TJP1: variants seen among roughly 807,000 people sequenced by gnomAD.
The protein encoded by TJP1 is tight junction protein ZO-1.
TJP1 carries 43 observed loss-of-function variants against 194.2 expected under a neutral mutation model. The observed-to-expected ratio is 0.22, with a 90% CI of 0.17 to 0.29. TJP1 has a LOEUF of 0.29. Among genes scored for constraint, TJP1 ranks in the 10% least tolerant of loss-of-function variants. The probability of loss-of-function intolerance (pLI) is 1.00; values close to 1 mark genes in which losing one functional copy is unlikely to be tolerated. For synonymous variants in TJP1, 801 were observed against 779.0 expected, an observed-to-expected ratio of 1.03 and a Z score of -0.47; for missense variants, 1,971 against 2,185.7, an observed-to-expected ratio of 0.90 and a Z score of 1.96.
At chr15:29,863,950 C>T (rs2052196167) in intron 2 of TJP1, among the ~76,000 whole-genome samples, 1 of 152,024 alleles carries the variant, frequency 6.6e-6, no homozygotes, top group Non-Finnish European at 1.5e-5. Context: ...GTAAAGTAGA[C>T]CTTCCAATTC....
chr15:29,856,669 T>C (rs1596117381), intron 2 of TJP1, among the ~76,000 whole-genome samples: 1 of 152,214 alleles, frequency 6.6e-6, no homozygotes, highest in East Asian at 1.9e-4. Context: ...TCAGAAATAT[T>C]TCTTAAAAAA....
At chr15:29,839,288 G>A (rs532379104) in intron 2 of TJP1, among the ~76,000 whole-genome samples, 21 of 152,088 alleles carry the variant, frequency 1.4e-4, no homozygotes, top group African/African-American at 4.8e-4. Flanking sequence ...GTGAGCCACC[G>A]CACCCGGCCT....
chr15:29,728,017 T>A lies in TJP1; in HGVS notation c.2020A>T (p.Ser674Cys). The A allele has an allele frequency of 6.2e-7, 1 of 1,613,960 alleles. No individual in the cohort carries two copies. The highest frequency in any genetic ancestry group is 8.5e-7 in the Non-Finnish European group (1 of 1,179,848). The stretch of plus-strand genomic sequence containing the variant: ...TCAGTTCCAGCGTCTCGTGGTTCAC[T>A]CTCTATTCATTATGTCAGGACAAAA... ...EEPDIYQIAK[S>C]EPRDAGTDQR... Residue 674 changes from serine (S) to cysteine (C), a missense_variant and splice_region_variant, in exon 16 of 28, where the codon AGT (serine) becomes TGT (cysteine). By Grantham distance (112) the Ser-to-Cys change is moderately radical. Around this residue, in one of 5 missense-constraint regions of TJP1, gnomAD observed 402 missense variants for 484.2 expected, o/e 0.83. Transcript: ENST00000614355.
Position 29,762,326 on chromosome 15 carries a change from T to A in TJP1, c.693+9A>T. On this transcript the variant is annotated intron_variant, in intron 6 of 27. Coordinates refer to ENST00000614355, the MANE Select transcript of TJP1 (RefSeq NM_001330239.4). The stretch of plus-strand genomic sequence containing the variant: ...TTCAGTTCATTAAAAAGTAAGAATA[T>A]GATTATACCTTCAATACAACATCAC... 1.2e-6 allele frequency: 2 copies of A among 1,602,496 alleles called. No homozygotes were observed.
chr15:29,955,918 T>C (rs2055924207), intron 2 of TJP1, among the ~76,000 whole-genome samples: 1 of 152,100 alleles, frequency 6.6e-6, no homozygotes, highest in Admixed American at 6.5e-5. Flanking sequence ...TATATTAACA[T>C]GTGGATTTGT....
rs572726062 is a variant in TJP1, at chr15:29,783,215, A to G, written c.85-9858T>C. On this transcript the variant is annotated intron_variant, in intron 2 of 27. Transcript: ENST00000614355. ...TTTGAACCCGGGAGGCAGAGGTTGCAGTGAGCCAAGATTGTGCCACTGCAC... is the reference window on the plus strand; with the variant it reads ...TTTGAACCCGGGAGGCAGAGGTTGCGGTGAGCCAAGATTGTGCCACTGCAC... Among the ~76,000 whole-genome samples the G allele has an allele frequency of 3.3e-4, 51 of 152,338 alleles. No individual in the cohort carries two copies. In the South Asian group the frequency reaches 0.01, roughly 30 times the overall value.
At chr15:29,785,739 T>C (rs965040248) in intron 2 of TJP1, among the ~76,000 whole-genome samples, 1 of 152,198 alleles carries the variant, frequency 6.6e-6, no homozygotes, top group Non-Finnish European at 1.5e-5. Context: ...TTCAATGGAA[T>C]TTCAATGAAC....
Position 29,726,653 on chromosome 15 carries a change from TAACAC to T in TJP1, c.2311+123_2311+127del, listed in dbSNP as rs2043255424. 1.8e-5 allele frequency: 21 copies of T among 1,150,766 alleles called. No homozygotes were observed. In the East Asian group the frequency reaches 5.1e-4, roughly 28 times the overall value. 71.3% of individuals were successfully genotyped at this position (1,150,766 alleles called of 1,614,324 possible). On this transcript the variant is annotated intron_variant, in intron 17 of 27. Coordinates refer to ENST00000614355, the MANE Select transcript of TJP1 (RefSeq NM_001330239.4). ...TTTCTTTTAACCAAACAGCAGGTGT[TAACAC>T]AACAGGAAGCTTTCCAAGAAAGTAT...
At chr15:29,818,808 T>G (rs1224658508) in intron 1 of TJP1, among the ~76,000 whole-genome samples, 1 of 149,656 alleles carries the variant, frequency 6.7e-6, no homozygotes, top group Non-Finnish European at 1.5e-5. Context: ...CCCGGCCACG[T>G]TTTTTCCTTC....
At chr15:29,924,997 C>T (rs1193558435) in intron 2 of TJP1, among the ~76,000 whole-genome samples, 1 of 152,204 alleles carries the variant, frequency 6.6e-6, no homozygotes, top group Non-Finnish European at 1.5e-5. Context: ...AGGCTAATCC[C>T]ATGGGAATGG....
intron 9 of TJP1, among the ~76,000 whole-genome samples, chr15:29,742,438 T>C (rs1850647038): frequency 6.6e-6 from 1 of 152,230 alleles, no homozygotes; most frequent in South Asian, 2.1e-4. Context: ...ATATTTTCTA[T>C]CTAGAAAGTA....
chr15:29,743,962 C>T (rs1489547676), intron 8 of TJP1, among the ~76,000 whole-genome samples: 4 of 152,106 alleles, frequency 2.6e-5, no homozygotes, highest in African/African-American at 7.2e-5. Flanking sequence ...AGGCGGATCA[C>T]GAGGTCAAGA....
intron 2 of TJP1, among the ~76,000 whole-genome samples, chr15:29,945,799 A>ACG: frequency 1.0e-5 from 1 of 96,726 alleles, no homozygotes; most frequent in African/African-American, 3.2e-5. Context: ...ACACACACAC[A>ACG]CGCACACACA....
chr15:29,848,826 A>C (rs785449), intron 2 of TJP1, among the ~76,000 whole-genome samples: 1 of 151,848 alleles, frequency 6.6e-6, no homozygotes, highest in African/African-American at 2.4e-5. Flanking sequence ...ACCACTGAAC[A>C]CCAGCCTGGC....
At chr15:29,728,868 C>T (rs1355887618) in intron 15 of TJP1, 1 of 151,966 alleles carries the variant, frequency 6.6e-6, no homozygotes, top group African/African-American at 2.4e-5. Flanking sequence ...CTAGTGAACA[C>T]TGGAGAATTA....
chr15:29,765,900 A>C lies in TJP1; in HGVS notation c.589+366T>G, dbSNP rs28384367. 4.5e-4 allele frequency among the ~76,000 whole-genome samples: 68 copies of C among 152,162 alleles called. 1 individual carries two copies. In the East Asian group the frequency reaches 0.01, roughly 23 times the overall value. On this transcript the variant is annotated intron_variant, in intron 5 of 27. Transcript: ENST00000614355. Reference sequence around the variant, plus strand: ...GAGCCAGACCTTGTAACAACAACAAAAACAACAACAACAACAACACTCCCA... The same window carrying C: ...GAGCCAGACCTTGTAACAACAACAACAACAACAACAACAACAACACTCCCA...
intron 12 of TJP1, among the ~76,000 whole-genome samples, chr15:29,733,699 C>G (rs951289860): frequency 2.0e-5 from 3 of 152,070 alleles, no homozygotes; most frequent in Non-Finnish European, 4.4e-5. Flanking sequence ...TTGACTGCCC[C>G]ATCTGTGTAC....
chr15:29,961,512 T>C (rs1347450758), intron 1 of TJP1, among the ~76,000 whole-genome samples: 1 of 152,066 alleles, frequency 6.6e-6, no homozygotes, highest in Admixed American at 6.6e-5. Context: ...TTATCCTCCC[T>C]AGAGGGAAGG....
chr15:29,807,045 A>G (rs2049156379), intron 1 of TJP1, among the ~76,000 whole-genome samples: 1 of 152,244 alleles, frequency 6.6e-6, no homozygotes, highest in Non-Finnish European at 1.5e-5. Context: ...AAAAGTCTCA[A>G]TAGAAATTTA....
Sources: allele counts gnomAD v4.1 joint callset (sites outside exome capture counted in the v4.1 genomes callset), GRCh38; gene constraint gnomAD v4.1.1; regional missense constraint gnomAD v4.1.1; transcripts MANE v1.5; gene names NCBI Gene and HGNC (gene_info 2026-07-23, HGNC 2026-07-21).